Variants in TMC5 observed in about 807,000 individuals in gnomAD.
TMC5 encodes transmembrane channel like 5.
TMC5 carries 86 observed loss-of-function variants against 110.5 expected under a neutral mutation model. The ratio of observed to expected loss-of-function variants is 0.78; its 90% CI spans 0.65 to 0.93. The LOEUF (loss-of-function observed/expected upper bound fraction) is 0.93. TMC5 is among the 40% of genes least tolerant of loss of function. The pLI, the probability that TMC5 is intolerant of heterozygous loss-of-function variation, is 0.00. For missense variants in TMC5, 1,144 were observed against 1,222.8 expected, an observed-to-expected ratio of 0.94 and a Z score of 0.96; for synonymous variants, 455 against 439.5, an observed-to-expected ratio of 1.04 and a Z score of -0.44.
intron 4 of TMC5, among the ~76,000 whole-genome samples, chr16:19,447,257 AG>A (rs1408458900): frequency 6.6e-6 from 1 of 152,040 alleles, no homozygotes; most frequent in Non-Finnish European, 1.5e-5. Flanking sequence ...TGAGTGACCT[AG>A]GGCAATGTCT....
Position 19,472,220 on chromosome 16 carries a change from T to G in TMC5, c.1915T>G (p.Tyr639Asp). The change falls in exon 11 of 22, where the codon TAC becomes GAC. Residue 639 changes from tyrosine (Y) to aspartate (D), a missense_variant. Transcript: ENST00000542583. The stretch of plus-strand genomic sequence containing the variant: ...CATAGCCTGCTGTGCAGCCGTTTAT[T>G]ACCTGGCTGAGTACAACTTAGAGGT... ...VAIACCAAVYYLAEYNLEFLK... is the reference protein window; with the variant it reads ...VAIACCAAVYDLAEYNLEFLK... 1 of 1,614,110 alleles carries G rather than the reference T, an allele frequency of 6.2e-7. No individual in the cohort carries two copies.
chr16:19,460,329 C>A lies in TMC5; in HGVS notation c.1143C>A (p.Asn381Lys), dbSNP rs913419336. The A allele has an allele frequency of 3.1e-6, 5 of 1,610,632 alleles. No homozygotes were observed. Among genetic ancestry groups the A allele is most frequent in the Non-Finnish European group, 4.2e-6 (5 of 1,177,408 alleles). Residue 381 changes from asparagine to lysine, a missense_variant, in exon 6 of 22, where the codon AAC (asparagine) becomes AAA (lysine). Physicochemically the swap from Asn to Lys is moderately conservative, Grantham distance 94. Coordinates refer to ENST00000542583, the MANE Select transcript of TMC5 (RefSeq NM_001261841.2). ...CAAGGACCATGGAAGAGAAAAGGAACCTTAGGTATGGACTAAAGGCTTTTC... is the reference window on the plus strand; with the variant it reads ...CAAGGACCATGGAAGAGAAAAGGAAACTTAGGTATGGACTAAAGGCTTTTC... The part of the protein sequence containing the change: ...NQPRTMEEKR[N>K]LRKIVDKEKS...
At chr16:19,433,474 C>T (rs1237669056) in intron 2 of TMC5, among the ~76,000 whole-genome samples, 1 of 152,204 alleles carries the variant, frequency 6.6e-6, no homozygotes, top group Non-Finnish European at 1.5e-5. Flanking sequence ...CCCAACTCCA[C>T]TCCTGCAGCC....
At chr16:19,484,604 A>C (rs1050382729) in intron 15 of TMC5, among the ~76,000 whole-genome samples, 7 of 152,040 alleles carry the variant, frequency 4.6e-5, no homozygotes, top group Non-Finnish European at 8.8e-5. Context: ...TCTACTAAAA[A>C]ATACAAATTA....
chr16:19,478,578 CCA>C (rs141938409), intron 13 of TMC5, among the ~76,000 whole-genome samples: 2,680 of 152,186 alleles, frequency 0.018, 88 homozygotes, highest in African/African-American at 0.062. Flanking sequence ...ATCCACTTAT[CCA>C]TTTATCCATC....
At chr16:19,435,843 G>A (rs1422952388) in intron 2 of TMC5, among the ~76,000 whole-genome samples, 1 of 152,212 alleles carries the variant, frequency 6.6e-6, no homozygotes, top group South Asian at 2.1e-4. Context: ...ATGACGCTGC[G>A]TGCAGCAGAA....
chr16:19,487,414 T>A, intron 17 of TMC5, 88 bp downstream of exon 17: 1 of 1,505,742 alleles, frequency 6.6e-7, no homozygotes, highest in East Asian at 2.3e-5. Context: ...AATTCAGGTG[T>A]GGTGAGGCCG....
intron 5 of TMC5, among the ~76,000 whole-genome samples, chr16:19,452,482 C>T (rs1463108375): frequency 6.6e-6 from 1 of 151,370 alleles, no homozygotes; most frequent in East Asian, 1.9e-4. Flanking sequence ...TTTGGGAGGC[C>T]GAGGCAGGTG....
Position 19,469,819 on chromosome 16 carries a change from G to C in TMC5, c.1776G>C (p.Glu592Asp). 4 of 1,613,878 alleles carry C rather than the reference G, an allele frequency of 2.5e-6. No individual in the cohort carries two copies. The highest frequency in any genetic ancestry group is 3.4e-6 in the Non-Finnish European group (4 of 1,179,906). The change falls in exon 10 of 22, where the codon GAG (glutamate) becomes GAC (aspartate). Residue 592 changes from glutamate (E) to aspartate (D), a missense_variant. Glu to Asp is a conservative substitution (Grantham distance 45, BLOSUM62 2). Coordinates refer to ENST00000542583, the MANE Select transcript of TMC5 (RefSeq NM_001261841.2). Reference protein sequence around the residue: ...VKLKQKNLSTEIRENLSELRQ... With the variant: ...VKLKQKNLSTDIRENLSELRQ... ...TAAAACAGAAGAATCTTAGCACTGAGATAAGGGTAAGGCGAGCTCACTTTA... is the reference window on the plus strand; with the variant it reads ...TAAAACAGAAGAATCTTAGCACTGACATAAGGGTAAGGCGAGCTCACTTTA...
At position 19,469,261 on chromosome 16, in the gene TMC5, G is replaced by A. The variant is rs1968263081; in HGVS notation, c.1638-420G>A. Reference sequence around the variant, plus strand: ...CCCTGTTACTTGGGAGACTGAGGCAGGAGAATCGCTTGAACCTTGGAGGTG... The same window carrying A: ...CCCTGTTACTTGGGAGACTGAGGCAAGAGAATCGCTTGAACCTTGGAGGTG... On this transcript the variant is annotated intron_variant, in intron 9 of 21. Coordinates refer to ENST00000542583, the MANE Select transcript of TMC5 (RefSeq NM_001261841.2). 2.6e-5 allele frequency among the ~76,000 whole-genome samples: 4 copies of A among 151,280 alleles called. No individual in the cohort carries two copies. The South Asian group carries it at 8.4e-4, about 32-fold the overall frequency.
chr16:19,422,102 A>G (rs914382935), intron 1 of TMC5, among the ~76,000 whole-genome samples: 1 of 151,842 alleles, frequency 6.6e-6, no homozygotes, highest in Non-Finnish European at 1.5e-5. Context: ...ATGGTGGCAC[A>G]TGCCTGTAGT....
chr16:19,457,226 C>CA (rs569462288), intron 5 of TMC5, among the ~76,000 whole-genome samples: 9 of 152,128 alleles, frequency 5.9e-5, no homozygotes, highest in Non-Finnish European at 1.2e-4. Flanking sequence ...CTCATTGCTA[C>CA]AAAAAAATTT....
At chr16:19,438,405 AAAAG>A (rs1402990861) in intron 2 of TMC5, among the ~76,000 whole-genome samples, 7 of 74,178 alleles carry the variant, frequency 9.4e-5, no homozygotes, top group Admixed American at 9.1e-4. Flanking sequence ...AAAAAAAAAA[AAAAG>A]AAGAAAGAAA....
chr16:19,411,635 G>A (rs1429522958), intron 1 of TMC5: 2 of 152,218 alleles, frequency 1.3e-5, no homozygotes, highest in Non-Finnish European at 2.9e-5. Context: ...TGAAACAGGT[G>A]CAATAATAGT....
chr16:19,461,730 G>A (rs1357818767), intron 6 of TMC5, among the ~76,000 whole-genome samples: 3 of 151,208 alleles, frequency 2.0e-5, no homozygotes, highest in Non-Finnish European at 4.4e-5. Context: ...TTTTCAATTT[G>A]ATATAGTTGG....
At chr16:19,495,521 T>C (rs1000164080) in intron 20 of TMC5, among the ~76,000 whole-genome samples, 9 of 152,234 alleles carry the variant, frequency 5.9e-5, no homozygotes, top group Non-Finnish European at 1.2e-4. Context: ...TTGGGTTGTT[T>C]CTATGTTTTT....
At chr16:19,443,247 G>T (rs554988010) in intron 3 of TMC5, among the ~76,000 whole-genome samples, 59 of 152,224 alleles carry the variant, frequency 3.9e-4, no homozygotes, top group African/African-American at 1.4e-3. Flanking sequence ...CTTGGGAAGT[G>T]GTATATGTAG....
intron 1 of TMC5, among the ~76,000 whole-genome samples, chr16:19,423,492 C>T (rs1292250588): frequency 6.6e-6 from 1 of 152,206 alleles, no homozygotes; most frequent in South Asian, 2.1e-4. Context: ...AACATTTTCC[C>T]CTAATAAAGT....
rs199637387 is a variant in TMC5 at position 19,472,040 on chromosome 16, C to T, written c.1783-48C>T. 572 of 1,595,370 alleles carry T rather than the reference C, an allele frequency of 3.6e-4. 2 individuals carry two copies. The African/African-American group carries it at 5.5e-3, about 15-fold the overall frequency. On this transcript the variant is annotated intron_variant, in intron 10 of 21. Coordinates refer to ENST00000542583, the MANE Select transcript of TMC5 (RefSeq NM_001261841.2). ...CCTCCCAAAGTGCTGGGATTACAGG[C>T]GTGAGCCACCATGCCCAGCCATAAA...
Sources: allele counts gnomAD v4.1 joint callset (sites outside exome capture counted in the v4.1 genomes callset), GRCh38; gene constraint gnomAD v4.1.1; transcripts MANE v1.5; gene names NCBI Gene and HGNC (gene_info 2026-07-23, HGNC 2026-07-21).